The following NAALADL2 variants were observed in gnomAD, a reference collection of about 807,000 sequenced individuals.
The protein encoded by NAALADL2 is inactive N-acetylated-alpha-linked acidic dipeptidase-like protein 2.
In NAALADL2, 76 loss-of-function variants were observed where a neutral mutation model predicts 87.2. The observed-to-expected ratio is 0.87, with a 90% CI of 0.72 to 1.05. The LOEUF (loss-of-function observed/expected upper bound fraction) is 1.05. NAALADL2 is among the 50% of genes least tolerant of loss of function. The pLI is 0.00. For missense variants in NAALADL2, 1,089 were observed against 945.8 expected (o/e 1.15, Z -1.99); for synonymous variants, 354 against 331.0 (o/e 1.07, Z -0.75).
intron 11 of NAALADL2, among the ~76,000 whole-genome samples, chr3:175,652,363 A>C (rs1454556138): frequency 6.6e-6 from 1 of 152,172 alleles, no homozygotes; most frequent in Non-Finnish European, 1.5e-5. Context: ...AAGATGTGTT[A>C]GCAACAACTC....
chr3:175,540,448 G>A (rs1712109622), intron 9 of NAALADL2, among the ~76,000 whole-genome samples: 1 of 152,184 alleles, frequency 6.6e-6, no homozygotes. Flanking sequence ...GATTTTGTAG[G>A]ACCTTGGAGG....
chr3:174,770,687 A>G (rs1370952050), intron 3 of NAALADL2, among the ~76,000 whole-genome samples: 1 of 151,978 alleles, frequency 6.6e-6, no homozygotes, highest in Admixed American at 6.6e-5. Flanking sequence ...AAATGTACAA[A>G]AAATTAGCTG....
chr3:174,619,278 C>T (rs1040195826), intron 2 of NAALADL2, among the ~76,000 whole-genome samples: 7 of 151,868 alleles, frequency 4.6e-5, no homozygotes, highest in African/African-American at 1.7e-4. Context: ...TTGAAATTAG[C>T]TTGAACAACC....
At chr3:174,716,896 G>T (rs1175598355) in intron 2 of NAALADL2, among the ~76,000 whole-genome samples, 2 of 152,020 alleles carry the variant, frequency 1.3e-5, no homozygotes, top group African/African-American at 2.4e-5. Context: ...TTTCTGAATT[G>T]TGGAAGAAAA....
At position 174,628,498 on chromosome 3, in the gene NAALADL2, G is replaced by C. The variant is rs891003102; in HGVS notation, c.-115+77861G>C. On this transcript the variant is annotated intron_variant, in intron 2 of 3. Coordinates refer to the NAALADL2 transcript ENST00000434257. ...TCAAAAAAAAAAAAAAAAAAAAAAA[G>C]ATTATCTATTTCTATTCCCTGTTTT... 2.4e-5 allele frequency among the ~76,000 whole-genome samples: 3 copies of C among 127,458 alleles called. No individual in the cohort carries two copies. The Admixed American group carries it at 2.4e-4, about 10-fold the overall frequency. The allele number at this position is 127,458 out of a possible 152,430, so 83.6% of individuals were successfully genotyped here. A position where few individuals can be genotyped will look rare whatever the true frequency, so the allele number is the denominator to read the frequency against.
intron 1 of NAALADL2, among the ~76,000 whole-genome samples, chr3:174,491,648 A>G (rs968542465): frequency 1.4e-4 from 21 of 152,268 alleles, no homozygotes; most frequent in African/African-American, 4.8e-4. Context: ...TATGTCTTAA[A>G]TTATCTTCTG....
chr3:175,176,251 C>G (rs1735679401), intron 2 of NAALADL2, among the ~76,000 whole-genome samples: 1 of 151,706 alleles, frequency 6.6e-6, no homozygotes, highest in Admixed American at 6.6e-5. Context: ...AATTGTCGCT[C>G]ATCAGACAGA....
At chr3:175,787,834 A>G (rs1313896840) in intron 13 of NAALADL2, among the ~76,000 whole-genome samples, 2 of 152,212 alleles carry the variant, frequency 1.3e-5, no homozygotes, top group African/African-American at 4.8e-5. Context: ...AGAGTCCAAA[A>G]GTTTTAAAAA....
intron 1 of NAALADL2, among the ~76,000 whole-genome samples, chr3:175,064,799 T>A (rs1714232467): frequency 6.6e-6 from 1 of 152,054 alleles, no homozygotes; most frequent in African/African-American, 2.4e-5. Flanking sequence ...CAGTGAAAAC[T>A]CTCTGCGTAG....
At chr3:175,635,381 A>C (rs1323466326) in intron 11 of NAALADL2, among the ~76,000 whole-genome samples, 2 of 152,100 alleles carry the variant, frequency 1.3e-5, no homozygotes, top group Non-Finnish European at 2.9e-5. Context: ...ACTTATTAAG[A>C]TAGGAAAAGA....
chr3:175,056,653 A>G (rs1036854211), intron 1 of NAALADL2, among the ~76,000 whole-genome samples: 6 of 152,212 alleles, frequency 3.9e-5, no homozygotes, highest in Admixed American at 6.5e-5. Context: ...AGATTTACCT[A>G]TGTATTTATT....
chr3:174,570,178 G>A (rs13064971), intron 2 of NAALADL2, among the ~76,000 whole-genome samples: 41,363 of 151,586 alleles, frequency 0.27, 7,213 homozygotes, highest in East Asian at 0.75. Flanking sequence ...TTGTATCTCT[G>A]TTCCAGTACA....
At chr3:175,456,149 T>A (rs1388736719) in intron 6 of NAALADL2, among the ~76,000 whole-genome samples, 1 of 152,056 alleles carries the variant, frequency 6.6e-6, no homozygotes, top group Non-Finnish European at 1.5e-5. Flanking sequence ...AGAAGAAGAT[T>A]GGGAACCAAT....
At chr3:175,561,067 C>A (rs1435067320) in intron 9 of NAALADL2, among the ~76,000 whole-genome samples, 1 of 152,046 alleles carries the variant, frequency 6.6e-6, no homozygotes. Flanking sequence ...CTGTCTAAGG[C>A]CTGCTATTGG....
At chr3:174,784,781 T>A (rs1716400227) in intron 3 of NAALADL2, among the ~76,000 whole-genome samples, 1 of 152,188 alleles carries the variant, frequency 6.6e-6, no homozygotes, top group Non-Finnish European at 1.5e-5. Flanking sequence ...ATCCTTTAAC[T>A]CAGAATTTTG....
intron 11 of NAALADL2, among the ~76,000 whole-genome samples, chr3:175,641,741 G>T (rs1729315559): frequency 1.3e-5 from 2 of 151,876 alleles, no homozygotes; most frequent in South Asian, 4.2e-4. Context: ...CTCTTCTCAG[G>T]CTAAAATTTT....
chr3:175,113,345 A>T (rs1724527925), intron 2 of NAALADL2, among the ~76,000 whole-genome samples: 1 of 151,580 alleles, frequency 6.6e-6, no homozygotes, highest in Admixed American at 6.6e-5. Flanking sequence ...TGCAGACAGA[A>T]AGACAGATGC....
At chr3:175,698,351 TTATGTATGTGTATA>T (rs1455409894) in intron 11 of NAALADL2, among the ~76,000 whole-genome samples, 1 of 74,140 alleles carries the variant, frequency 1.3e-5, no homozygotes, top group Non-Finnish European at 2.4e-5. Flanking sequence ...GTATGTGTAT[TTATGTATGTGTATA>T]TATGTATGTG....
Position 175,579,199 on chromosome 3 carries a change from T to TTATC in NAALADL2, c.1800+3033_1800+3036dup, listed in dbSNP as rs67378801. ...TATAATGCAAATCTTAGAATTACTA[T>TTATC]TATCTATCTATCTATCTATCTATCA... On this transcript the variant is annotated intron_variant, in intron 10 of 13. Transcript: ENST00000454872. 1.2e-3 allele frequency among the ~76,000 whole-genome samples: 182 copies of TTATC among 150,220 alleles called. 2 individuals are homozygous for TTATC. The highest frequency in any genetic ancestry group is 2.4e-3 in the African/African-American group (97 of 41,202).
Sources: gnomAD v4.1 joint callset for allele counts (sites outside exome capture counted in the v4.1 genomes callset) on GRCh38, gnomAD v4.1.1 for gene constraint, MANE v1.5 for transcripts, NCBI Gene and HGNC (gene_info 2026-07-23, HGNC 2026-07-21) for gene names.